WWTR1: variants seen among roughly 807,000 people sequenced by gnomAD.
The protein encoded by WWTR1 is WW domain-containing transcription regulator protein 1.
A neutral mutation model predicts 40.1 loss-of-function variants in WWTR1; 13 were observed. The observed-to-expected ratio is 0.32, with a 90% CI of 0.21 to 0.52. The LOEUF (loss-of-function observed/expected upper bound fraction) is 0.52, where lower values mean the gene tolerates loss of function less well. Ranked by LOEUF, WWTR1 falls within the 20% of genes least tolerant of loss-of-function variation. The pLI is 0.97. For missense variants in WWTR1, 436 were observed against 523.1 expected (o/e 0.83, Z 1.63); for synonymous variants, 230 against 210.1 (o/e 1.09, Z -0.82).
At chr3:149,540,079 TAC>T (rs202144589) in intron 4 of WWTR1, 12,007 of 270,986 alleles carry the variant, frequency 0.044, 217 homozygotes, top group Middle Eastern at 0.084. Flanking sequence ...TCCTCCTAAC[TAC>T]ACACACACAC....
At chr3:149,644,287 C>T (rs560539948) in intron 2 of WWTR1, among the ~76,000 whole-genome samples, 139 of 152,334 alleles carry the variant, frequency 9.1e-4, no homozygotes, top group Non-Finnish European at 1.4e-3. Flanking sequence ...CACTTCTTCT[C>T]TTTTCCAGCA....
chr3:149,609,711 T>C (rs1166918235), intron 2 of WWTR1, among the ~76,000 whole-genome samples: 3 of 152,178 alleles, frequency 2.0e-5, no homozygotes. Context: ...CACTAGGAGA[T>C]AGCTAATGTG....
chr3:149,578,167 C>T (rs1338149081), intron 2 of WWTR1, among the ~76,000 whole-genome samples: 1 of 152,126 alleles, frequency 6.6e-6, no homozygotes, highest in African/African-American at 2.4e-5. Context: ...TACTGCCAGA[C>T]TCTGTGGGCT....
upstream of WWTR1, among the ~76,000 whole-genome samples, chr3:149,662,248 G>A (rs1713619522): frequency 1.3e-5 from 2 of 152,058 alleles, no homozygotes; most frequent in Admixed American, 1.3e-4. Flanking sequence ...TCTCCAGACT[G>A]CATCCTGTGT....
Position 149,656,903 on chromosome 3 carries a change from G to T in WWTR1, c.404C>A (p.Thr135Lys). 1 of 1,540,870 alleles carries T rather than the reference G, an allele frequency of 6.5e-7. No homozygotes were observed. Reference sequence around the variant, plus strand: ...GAGGAAGTACCTCTGGCCAGTGGCCGTGAAGGTCATCTCCCAGCCCGGGGG... The same window carrying T: ...GAGGAAGTACCTCTGGCCAGTGGCCTTGAAGGTCATCTCCCAGCCCGGGGG... Reference protein sequence around the residue: ...PLPPGWEMTFTATGQRYFLNH... With the variant: ...PLPPGWEMTFKATGQRYFLNH... Residue 135 changes from threonine (T) to lysine (K), a missense_variant, in exon 2 of 7, where the codon ACG (threonine) becomes AAG (lysine). By Grantham distance (78) the Thr-to-Lys change is moderately conservative (BLOSUM62 -1). Transcript: ENST00000360632.
chr3:149,652,135 G>A (rs1434293885), intron 2 of WWTR1, among the ~76,000 whole-genome samples: 7 of 151,486 alleles, frequency 4.6e-5, no homozygotes, highest in Admixed American at 1.3e-4. Context: ...GAGCCACTGC[G>A]CCCGGCCTTA....
In WWTR1 at chr3:149,535,796, T is replaced by C. The variant is rs529263590; in HGVS notation, c.771+6539A>G. Reference sequence around the variant, plus strand: ...GGGAGGCCAGGGTGGGCAGATCACTTGAGGCCAGGAGTTCGAGACCAGCCT... The same window carrying C: ...GGGAGGCCAGGGTGGGCAGATCACTCGAGGCCAGGAGTTCGAGACCAGCCT... On this transcript the variant is annotated intron_variant, in intron 4 of 6. Transcript: ENST00000360632. Among the ~76,000 whole-genome samples, 3 of 151,368 alleles carry C rather than the reference T, an allele frequency of 2.0e-5. No homozygotes were observed. In the South Asian group the frequency reaches 6.3e-4, roughly 32 times the overall value.
At chr3:149,642,774 CAAAAAAAAAA>C (rs1208125999) in intron 2 of WWTR1, among the ~76,000 whole-genome samples, 1 of 62,196 alleles carries the variant, frequency 1.6e-5, no homozygotes, top group Non-Finnish European at 3.3e-5. Flanking sequence ...GACTCCGTCT[CAAAAAAAAAA>C]AAAAAAGAAA....
intron 2 of WWTR1, among the ~76,000 whole-genome samples, chr3:149,577,585 A>T (rs1737946053): frequency 6.6e-6 from 1 of 152,150 alleles, no homozygotes; most frequent in Non-Finnish European, 1.5e-5. Flanking sequence ...CCCAGGTTGG[A>T]CAAAAGCATG....
intron 3 of WWTR1, among the ~76,000 whole-genome samples, chr3:149,545,558 A>G (rs1310207536): frequency 6.6e-6 from 1 of 152,144 alleles, no homozygotes; most frequent in African/African-American, 2.4e-5. Context: ...GTGTCACTCT[A>G]TCACCCAGGC....
At chr3:149,521,953 G>T (rs1735068791) in intron 6 of WWTR1, among the ~76,000 whole-genome samples, 1 of 151,990 alleles carries the variant, frequency 6.6e-6, no homozygotes, top group African/African-American at 2.4e-5. Context: ...CATGGCTCTG[G>T]GTGTCATTGA....
chr3:149,537,743 T>A (rs1276149464), intron 4 of WWTR1, among the ~76,000 whole-genome samples: 1 of 152,176 alleles, frequency 6.6e-6, no homozygotes, highest in African/African-American at 2.4e-5. Context: ...CTACTCTTTC[T>A]GTACTGTCAA....
intron 1 of WWTR1, among the ~76,000 whole-genome samples, chr3:149,690,827 A>G (rs1714800388): frequency 6.6e-6 from 1 of 152,204 alleles, no homozygotes; most frequent in Non-Finnish European, 1.5e-5. Flanking sequence ...TCTTCTCCTC[A>G]AGACATGGAT....
chr3:149,567,558 G>A (rs1737392150), intron 3 of WWTR1, among the ~76,000 whole-genome samples: 1 of 152,194 alleles, frequency 6.6e-6, no homozygotes, highest in Non-Finnish European at 1.5e-5. Flanking sequence ...TCTTCCTGAA[G>A]GAGGAATGGA....
chr3:149,530,133 G>C (rs1735498351), intron 4 of WWTR1, among the ~76,000 whole-genome samples: 1 of 152,034 alleles, frequency 6.6e-6, no homozygotes, highest in African/African-American at 2.4e-5. Context: ...GGATCACGAG[G>C]TCAGGAGATC....
chr3:149,684,108 G>T (rs968639326), intron 1 of WWTR1, among the ~76,000 whole-genome samples: 2 of 152,112 alleles, frequency 1.3e-5, no homozygotes, highest in Admixed American at 6.5e-5. Flanking sequence ...AATATGGGGG[G>T]TGTAGAAATA....
At chr3:149,631,609 T>G (rs1172157473) in intron 2 of WWTR1, among the ~76,000 whole-genome samples, 1 of 152,160 alleles carries the variant, frequency 6.6e-6, no homozygotes, top group Non-Finnish European at 1.5e-5. Context: ...AAAACAGCAA[T>G]GCATCCTCCT....
At chr3:149,590,974 A>G (rs1738688433) in intron 2 of WWTR1, among the ~76,000 whole-genome samples, 1 of 149,338 alleles carries the variant, frequency 6.7e-6, no homozygotes, top group South Asian at 2.1e-4. Flanking sequence ...GTCACACAGT[A>G]TGTCAACTTG....
At chr3:149,636,966 GAAA>G (rs397950107) in intron 2 of WWTR1, among the ~76,000 whole-genome samples, 5 of 43,316 alleles carry the variant, frequency 1.2e-4, no homozygotes, top group Middle Eastern at 0.038. Context: ...TGTCTCAAGT[GAAA>G]AAAAAAAAAA....
Sources: allele counts gnomAD v4.1 joint callset (sites outside exome capture counted in the v4.1 genomes callset), GRCh38; gene constraint gnomAD v4.1.1; transcripts MANE v1.5; gene names NCBI Gene and HGNC (gene_info 2026-07-23, HGNC 2026-07-21).